Variants in ESRRG observed in about 807,000 individuals in gnomAD.
ESRRG encodes the protein estrogen related receptor gamma, also known as estrogen-related receptor gamma.
A neutral mutation model predicts 44.0 loss-of-function variants in ESRRG; 13 were observed. The observed-to-expected ratio is 0.30, with a 90% CI of 0.19 to 0.47. The LOEUF (loss-of-function observed/expected upper bound fraction) is 0.47, where lower values mean the gene tolerates loss of function less well. Among genes scored for constraint, ESRRG ranks in the 20% least tolerant of loss-of-function variants. The pLI is 1.00. For synonymous variants in ESRRG, 215 were observed against 214.6 expected (o/e 1.00, Z -0.02); for missense variants, 395 against 580.6 (o/e 0.68, Z 3.29).
intron 1 of ESRRG, among the ~76,000 whole-genome samples, chr1:217,004,771 T>C (rs2077504821): frequency 6.6e-6 from 1 of 152,208 alleles, no homozygotes; most frequent in African/African-American, 2.4e-5. Flanking sequence ...TGATGCTGCT[T>C]GACACATTAT....
intron 2 of ESRRG, among the ~76,000 whole-genome samples, chr1:216,843,241 T>C (rs2095682780): frequency 6.6e-6 from 1 of 152,034 alleles, no homozygotes; most frequent in Admixed American, 6.6e-5. Context: ...ATATGAGATT[T>C]GTGAGGCTAT....
At chr1:216,938,585 C>T (rs1350087728) in intron 2 of ESRRG, among the ~76,000 whole-genome samples, 1 of 152,192 alleles carries the variant, frequency 6.6e-6, no homozygotes, top group South Asian at 2.1e-4. Flanking sequence ...TTCTAAAGTG[C>T]CATTTTCCAC....
intron 2 of ESRRG, among the ~76,000 whole-genome samples, chr1:216,770,134 A>C (rs2093319362): frequency 6.6e-6 from 1 of 152,070 alleles, no homozygotes; most frequent in Non-Finnish European, 1.5e-5. Context: ...TGAGAAACAA[A>C]GGTCACCCAA....
At chr1:216,662,161 G>A in intron 2 of ESRRG, among the ~76,000 whole-genome samples, 1 of 152,100 alleles carries the variant, frequency 6.6e-6, no homozygotes, top group East Asian at 1.9e-4. Context: ...CTCAGGGAAG[G>A]AATGCAGGAG....
rs2045328107 is a variant in ESRRG at position 216,519,264 on chromosome 1, T to G, written c.1020A>C (p.Ala340=). ...TAGCATTATTTAGATCAAGAAGGCCTGCTAATTTGGACTGGTCTTCGTCCA... is the reference window on the plus strand; with the variant it reads ...TAGCATTATTTAGATCAAGAAGGCCGGCTAATTTGGACTGGTCTTCGTCCA... ...YIMDEDQSKL[A]GLLDLNNAIL... The change falls in exon 6 of 7, where the codon GCA becomes GCC. Residue 340 remains alanine, a synonymous_variant. Transcript: ENST00000408911. 1 of 1,613,768 alleles carries G rather than the reference T, an allele frequency of 6.2e-7. No homozygotes were observed. The highest frequency in any genetic ancestry group is 8.5e-7 in the Non-Finnish European group (1 of 1,179,848).
At chr1:216,929,125 A>G (rs1037796216) in intron 2 of ESRRG, among the ~76,000 whole-genome samples, 8 of 152,126 alleles carry the variant, frequency 5.3e-5, no homozygotes, top group Non-Finnish European at 1.2e-4. Flanking sequence ...AAAAAAAAAT[A>G]CTGGAAAAAA....
At chr1:216,607,060 A>G (rs2060029630) in intron 3 of ESRRG, among the ~76,000 whole-genome samples, 2 of 152,204 alleles carry the variant, frequency 1.3e-5, no homozygotes, top group African/African-American at 4.8e-5. Flanking sequence ...TAGCAATTGA[A>G]CCCATAATGG....
In ESRRG at chr1:216,931,414, A is replaced by G. The variant is rs573742450; in HGVS notation, c.-14+8168T>C. ...TATGAAAAATGTTTTCCCTTGACCC[A>G]CACTGAGAAACTGCTCCTTCCTTAT... On this transcript the variant is annotated intron_variant, in intron 2 of 7. Coordinates refer to the ESRRG transcript ENST00000359162. Among the ~76,000 whole-genome samples, 28 of 152,274 alleles carry G rather than the reference A, an allele frequency of 1.8e-4. No individual in the cohort carries two copies. In the South Asian group the frequency reaches 2.5e-3, roughly 14 times the overall value.
chr1:216,693,162 A>G (rs914707111), intron 1 of ESRRG, among the ~76,000 whole-genome samples: 1 of 152,212 alleles, frequency 6.6e-6, no homozygotes, highest in African/African-American at 2.4e-5. Flanking sequence ...TTATTTCCTC[A>G]GCAAGTCTTT....
At chr1:216,536,982 T>G (rs1388662919) in intron 5 of ESRRG, among the ~76,000 whole-genome samples, 1 of 151,518 alleles carries the variant, frequency 6.6e-6, no homozygotes, top group African/African-American at 2.4e-5. Context: ...GGAGAGGGGG[T>G]CAAGGAAAGC....
chr1:216,549,591 A>G (rs2055631113), intron 5 of ESRRG, among the ~76,000 whole-genome samples: 1 of 152,124 alleles, frequency 6.6e-6, no homozygotes. Context: ...ATAACATCTT[A>G]TATCTACCAA....
At chr1:216,567,872 C>A in intron 4 of ESRRG, 116 bp downstream of exon 4, 1 of 657,358 alleles carries the variant, frequency 1.5e-6, no homozygotes, top group East Asian at 2.7e-5. Flanking sequence ...CACTGTTCTC[C>A]AACAAAGAGA....
Position 216,945,250 on chromosome 1 carries a change from G to A in ESRRG, c.-105-5577C>T, listed in dbSNP as rs140711760. ...AGATGAGAAGAGAGAGTGCTGAGGA[G>A]GGGAATGTGGGAAGGAAGGAGGCAT... On this transcript the variant is annotated intron_variant, in intron 1 of 7. Transcript: ENST00000359162. Among the ~76,000 whole-genome samples, 609 of 152,138 alleles carry A rather than the reference G, an allele frequency of 4.0e-3. 3 individuals are homozygous for A. Among genetic ancestry groups the A allele is most frequent in the African/African-American group, 0.014 (580 of 41,522 alleles).
At chr1:216,534,285 G>C (rs994375897) in intron 5 of ESRRG, among the ~76,000 whole-genome samples, 2 of 152,114 alleles carry the variant, frequency 1.3e-5, no homozygotes, top group Non-Finnish European at 2.9e-5. Flanking sequence ...AATCAAATGA[G>C]AGAAGGAAAG....
chr1:217,030,425 A>T lies in ESRRG; in HGVS notation c.-106+59082T>A, dbSNP rs148228386. On this transcript the variant is annotated intron_variant, in intron 1 of 7. Coordinates refer to the ESRRG transcript ENST00000359162. ...TAATCCCACTTTACCTTTTAGGTTT[A>T]ACTATGAAAAACTTCACAGTGTGGT... 9.9e-4 allele frequency among the ~76,000 whole-genome samples: 151 copies of T among 152,294 alleles called. 2 individuals are homozygous for T. In the East Asian group the frequency reaches 0.027, roughly 28 times the overall value.
intron 2 of ESRRG, among the ~76,000 whole-genome samples, chr1:216,742,558 T>C (rs1341336194): frequency 6.6e-6 from 1 of 152,020 alleles, no homozygotes; most frequent in Non-Finnish European, 1.5e-5. Context: ...TCTTTATCCA[T>C]TTCTGTCCTA....
chr1:216,910,970 G>A (rs2060241312), intron 2 of ESRRG, among the ~76,000 whole-genome samples: 1 of 152,070 alleles, frequency 6.6e-6, no homozygotes, highest in Non-Finnish European at 1.5e-5. Flanking sequence ...TGTTACTTTA[G>A]TTTATTAGTA....
At chr1:216,612,357 G>T (rs1050123594) in intron 3 of ESRRG, among the ~76,000 whole-genome samples, 1 of 152,078 alleles carries the variant, frequency 6.6e-6, no homozygotes, top group African/African-American at 2.4e-5. Context: ...AGGGAGGAAG[G>T]AGGGAAGGAA....
chr1:217,064,656 T>C (rs17045141), intron 1 of ESRRG, among the ~76,000 whole-genome samples: 56,640 of 152,028 alleles, frequency 0.37, 11,311 homozygotes, highest in East Asian at 0.7. Flanking sequence ...GTACAAAATA[T>C]CAGAAGTTGT....
Sources: allele counts gnomAD v4.1 joint callset (sites outside exome capture counted in the v4.1 genomes callset), GRCh38; gene constraint gnomAD v4.1.1; transcripts MANE v1.5; gene names NCBI Gene and HGNC (gene_info 2026-07-23, HGNC 2026-07-21).